MATR3: variants seen among roughly 807,000 people sequenced by gnomAD.
The protein encoded by MATR3 is matrin 3, also known as matrin-3.
In MATR3, 4 loss-of-function variants were observed where a neutral mutation model predicts 85.5. The observed-to-expected ratio is 0.05, with a 90% CI of 0.02 to 0.11. MATR3 has a LOEUF of 0.11. MATR3 is among the 10% of genes least tolerant of loss of function. MATR3 has a pLI of 1.00. For synonymous variants in MATR3, 336 were observed against 343.1 expected (o/e 0.98, Z 0.23); for missense variants, 685 against 1,016.1 (o/e 0.67, Z 4.43).
At chr5:139,294,119 C>T (rs1754003597) in intron 1 of MATR3, 4 of 1,175,774 alleles carry the variant, frequency 3.4e-6, no homozygotes, top group East Asian at 3.2e-5. Context: ...ACCGGCCGAG[C>T]TTCCTGCGCG....
At chr5:139,318,354 G>A (rs1008688320) in intron 7 of MATR3, among the ~76,000 whole-genome samples, 14 of 151,342 alleles carry the variant, frequency 9.3e-5, no homozygotes, top group African/African-American at 1.5e-4. Context: ...GGCTGGTCTC[G>A]AAGTCCTGAC....
chr5:139,308,065 T>C lies in MATR3; in HGVS notation c.650T>C (p.Met217Thr), dbSNP rs759621063. Residue 217 changes from methionine (M) to threonine (T), a missense_variant, in exon 2 of 15, where the codon ATG (methionine) becomes ACG (threonine). Physicochemically the swap from Met to Thr is moderately conservative, Grantham distance 81. Coordinates refer to ENST00000394805, the MANE Select transcript of MATR3 (RefSeq NM_018834.6). ...RSQESGYYDR[M>T]DYEDDRLRDG... ...CAAGAATCTGGTTATTATGACAGAA[T>C]GGATTATGAAGATGACAGATTAAGA... 6.8e-6 allele frequency: 11 copies of C among 1,614,006 alleles called. No individual in the cohort carries two copies. The highest frequency in any genetic ancestry group is 2.5e-6 in the Non-Finnish European group (3 of 1,180,028).
intron 2 of MATR3, chr5:139,314,421 C>T: frequency 2.3e-6 from 1 of 436,716 alleles, no homozygotes; most frequent in Non-Finnish European, 4.3e-6. Flanking sequence ...TATCTTTTCC[C>T]TGTCAAATAT....
chr5:139,294,801 A>C (rs1302273818), intron 1 of MATR3: 1 of 152,156 alleles, frequency 6.6e-6, no homozygotes, highest in East Asian at 1.9e-4. Context: ...GCTCTGTGCC[A>C]TGTTCTGTGT....
chr5:139,303,958 A>G (rs1020309383), intron 1 of MATR3, among the ~76,000 whole-genome samples: 15 of 152,264 alleles, frequency 9.9e-5, no homozygotes, highest in African/African-American at 3.4e-4. Context: ...TTTTTCAGAA[A>G]TATTTTAGTA....
intron 2 of MATR3, chr5:139,313,774 GC>G (rs1755113282): frequency 6.6e-6 from 1 of 152,188 alleles, no homozygotes; most frequent in Non-Finnish European, 1.5e-5. Context: ...TTCTAGAAAA[GC>G]CATTCCTGTT....
chr5:139,320,185 T>A (rs1755483189), intron 9 of MATR3, among the ~76,000 whole-genome samples: 1 of 151,796 alleles, frequency 6.6e-6, no homozygotes, highest in Admixed American at 6.6e-5. Context: ...GGCGTGCGCC[T>A]GTTGTCCCAG....
At chr5:139,301,508 A>G (rs1010838021) in intron 1 of MATR3, among the ~76,000 whole-genome samples, 1 of 152,050 alleles carries the variant, frequency 6.6e-6, no homozygotes, top group African/African-American at 2.4e-5. Flanking sequence ...TTTAGTAGAG[A>G]TGGGGTTTCA....
chr5:139,311,750 CTTTTTTTTTTTTTTTTTTTTTTTT>C (rs552172719), intron 2 of MATR3: 2 of 65,238 alleles, frequency 3.1e-5, no homozygotes, highest in South Asian at 1.4e-3. Context: ...TTAATTAATC[CTTTTTTTTTTTTTTTTTTTTTTTT>C]TTTTTTTTTT....
intron 1 of MATR3, among the ~76,000 whole-genome samples, chr5:139,274,997 A>G (rs952691138): frequency 4.6e-5 from 7 of 151,514 alleles, no homozygotes; most frequent in Admixed American, 6.6e-5. Context: ...ATTTTTTTTA[A>G]CGGAGTCTTG....
At chr5:139,292,811 C>T (rs1449441654), upstream of MATR3, among the ~76,000 whole-genome samples, 3 of 152,168 alleles carry the variant, frequency 2.0e-5, no homozygotes, top group Non-Finnish European at 4.4e-5. Flanking sequence ...GGCGTCGTGG[C>T]GGGCGCCTGT....
intron 3 of MATR3, among the ~76,000 whole-genome samples, chr5:139,288,600 A>T (rs541266077): frequency 3.3e-5 from 5 of 152,220 alleles, no homozygotes; most frequent in Admixed American, 2.0e-4. Context: ...CTCCAAAAAA[A>T]TTTTGTCTTT....
intron 14 of MATR3, 58 bp downstream of exon 14, chr5:139,326,342 TG>T (rs1418186145): frequency 2.4e-5 from 37 of 1,560,440 alleles, no homozygotes; most frequent in Non-Finnish European, 3.2e-5. Flanking sequence ...TGGAAATAAG[TG>T]GGGTATATAA....
upstream of MATR3, among the ~76,000 whole-genome samples, chr5:139,289,035 GC>G (rs1935112750): frequency 6.6e-6 from 1 of 151,364 alleles, no homozygotes; most frequent in African/African-American, 2.4e-5. Context: ...GCCCGTCTCA[GC>G]CTCCCAAAGT....
intron 3 of MATR3, among the ~76,000 whole-genome samples, chr5:139,287,043 G>A (rs866929566): frequency 2.0e-5 from 3 of 152,086 alleles, no homozygotes; most frequent in South Asian, 4.2e-4. Flanking sequence ...ATATTAGTTG[G>A]CTGCTGAATA....
chr5:139,299,728 G>A (rs1042954407), intron 1 of MATR3: 1 of 152,254 alleles, frequency 6.6e-6, no homozygotes, highest in African/African-American at 2.4e-5. Context: ...AGCCAGGAGA[G>A]TGTGAAATGA....
chr5:139,327,321 TA>T (rs1394087137), intron 14 of MATR3, among the ~76,000 whole-genome samples: 13 of 151,220 alleles, frequency 8.6e-5, no homozygotes, highest in African/African-American at 2.7e-4. Flanking sequence ...TTTTTTTTTT[TA>T]AATGTAACTG....
At chr5:139,296,501 A>C (rs1754160453) in intron 1 of MATR3, among the ~76,000 whole-genome samples, 2 of 152,242 alleles carry the variant, frequency 1.3e-5, no homozygotes, top group Admixed American at 6.5e-5. Flanking sequence ...ATGAGAGAAA[A>C]AAATGAAAAA....
chr5:139,294,399 T>A (rs1754028305), intron 1 of MATR3: 1 of 187,692 alleles, frequency 5.3e-6, no homozygotes, highest in South Asian at 1.9e-4. Flanking sequence ...CGTTTCTTTC[T>A]TTTCCCGGTG....
Sources: allele counts gnomAD v4.1 joint callset (sites outside exome capture counted in the v4.1 genomes callset), GRCh38; gene constraint gnomAD v4.1.1; transcripts MANE v1.5; gene names NCBI Gene and HGNC (gene_info 2026-07-23, HGNC 2026-07-21).